Variants in EPHB1 observed in about 807,000 individuals in gnomAD.
EPHB1 encodes ephrin type-B receptor 1.
A neutral mutation model predicts 94.4 loss-of-function variants in EPHB1; 30 were observed. The observed-to-expected ratio is 0.32, with a 90% CI of 0.24 to 0.43. EPHB1 has a LOEUF of 0.43. EPHB1 is among the 20% of genes least tolerant of loss of function. EPHB1 has a pLI of 1.00. For synonymous variants in EPHB1, 522 were observed against 489.1 expected, an observed-to-expected ratio of 1.07 and a Z score of -0.89; for missense variants, 1,055 against 1,308.3, an observed-to-expected ratio of 0.81 and a Z score of 2.99.
At chr3:135,015,388 A>G (rs562544221) in intron 3 of EPHB1, among the ~76,000 whole-genome samples, 7 of 152,184 alleles carry the variant, frequency 4.6e-5, no homozygotes, top group Non-Finnish European at 8.8e-5. Flanking sequence ...TTACAGTCAC[A>G]TGCCACCACA....
At chr3:134,949,590 T>C (rs532092664) in intron 2 of EPHB1, among the ~76,000 whole-genome samples, 10 of 152,316 alleles carry the variant, frequency 6.6e-5, no homozygotes, top group African/African-American at 1.7e-4. Flanking sequence ...TTCTAGTCTA[T>C]ATATTTAAAG....
intron 1 of EPHB1, among the ~76,000 whole-genome samples, chr3:134,846,970 C>T (rs940631296): frequency 2.0e-5 from 3 of 152,064 alleles, no homozygotes; most frequent in Non-Finnish European, 2.9e-5. Flanking sequence ...CCTTCGGTGG[C>T]GGGAGATTAA....
At chr3:135,085,159 G>A (rs185769237) in intron 3 of EPHB1, among the ~76,000 whole-genome samples, 6 of 152,188 alleles carry the variant, frequency 3.9e-5, no homozygotes, top group East Asian at 1.9e-4. Context: ...GTGCAGCCAC[G>A]AGCAGACCTG....
Position 135,106,601 on chromosome 3 carries a change from C to A in EPHB1, c.959C>A (p.Thr320Asn), listed in dbSNP as rs1445739259. ...ADFDPPEVAC[T>N]SVPSGPRNVI... ...TTTGACCCTCCAGAAGTGGCATGCA[C>A]TAGTAAGTGTCTAGTAATGGCTCTG... Residue 320 changes from threonine to asparagine, a missense_variant and splice_region_variant, in exon 4 of 16, where the codon ACT becomes AAT. Transcript: ENST00000398015. The A allele has an allele frequency of 6.2e-7, 1 of 1,613,882 alleles. No individual in the cohort carries two copies.
intron 3 of EPHB1, among the ~76,000 whole-genome samples, chr3:135,054,648 G>A (rs918098315): frequency 6.6e-6 from 1 of 152,176 alleles, no homozygotes; most frequent in Non-Finnish European, 1.5e-5. Flanking sequence ...TAGCACGGAT[G>A]TTAGCTCATA....
intron 3 of EPHB1, among the ~76,000 whole-genome samples, chr3:135,052,907 A>ATG (rs1183892131): frequency 4.8e-4 from 47 of 98,354 alleles, no homozygotes; most frequent in African/African-American, 2.5e-3. Context: ...ATATATATAT[A>ATG]TATGTGTGTG....
chr3:134,865,645 C>T (rs2037358041), intron 1 of EPHB1, among the ~76,000 whole-genome samples: 1 of 148,000 alleles, frequency 6.8e-6, no homozygotes, highest in South Asian at 2.1e-4. Context: ...AATAAATCTG[C>T]AGCTGTTTTA....
intron 9 of EPHB1, among the ~76,000 whole-genome samples, chr3:135,178,226 G>T (rs533207175): frequency 6.7e-5 from 10 of 149,002 alleles, no homozygotes; most frequent in Non-Finnish European, 1.3e-4. Flanking sequence ...GGCCGGGGAG[G>T]GGGGGTGGAT....
chr3:135,248,604 T>G, intron 14 of EPHB1, 95 bp downstream of exon 14: 1 of 1,316,424 alleles, frequency 7.6e-7, no homozygotes, highest in East Asian at 2.6e-5. Flanking sequence ...TCGAATTTTT[T>G]AAAGAGTATC....
At chr3:135,089,059 A>C (rs1439707703) in intron 3 of EPHB1, among the ~76,000 whole-genome samples, 1 of 152,226 alleles carries the variant, frequency 6.6e-6, no homozygotes. Flanking sequence ...CCATGGCTCT[A>C]AGTAGTAGAG....
chr3:135,005,423 C>T (rs1229178410), intron 3 of EPHB1, among the ~76,000 whole-genome samples: 2 of 152,224 alleles, frequency 1.3e-5, no homozygotes, highest in East Asian at 3.9e-4. Context: ...TTGTCTGTGC[C>T]CTGCCCCCAG....
intron 12 of EPHB1, among the ~76,000 whole-genome samples, chr3:135,227,087 A>G (rs1264762319): frequency 2.0e-5 from 3 of 152,232 alleles, no homozygotes; most frequent in Admixed American, 1.3e-4. Flanking sequence ...ATTTGGGTCC[A>G]ATATACCCAT....
At chr3:135,088,387 C>T (rs1203106049) in intron 3 of EPHB1, among the ~76,000 whole-genome samples, 2 of 152,168 alleles carry the variant, frequency 1.3e-5, no homozygotes, top group African/African-American at 4.8e-5. Flanking sequence ...ACTATCTTCT[C>T]ATATAGTTTC....
At chr3:135,164,634 C>A (rs2107699184) in intron 7 of EPHB1, among the ~76,000 whole-genome samples, 1 of 151,962 alleles carries the variant, frequency 6.6e-6, no homozygotes, top group Admixed American at 6.6e-5. Flanking sequence ...CATGGTAAAA[C>A]CCCATCTCTA....
At chr3:134,886,687 G>A (rs958414561) in intron 1 of EPHB1, among the ~76,000 whole-genome samples, 1 of 152,144 alleles carries the variant, frequency 6.6e-6, no homozygotes, top group Non-Finnish European at 1.5e-5. Flanking sequence ...TACTCACTAT[G>A]TGCTGGGAAG....
chr3:134,964,153 A>G (rs1933635880), intron 3 of EPHB1, among the ~76,000 whole-genome samples: 1 of 152,232 alleles, frequency 6.6e-6, no homozygotes, highest in African/African-American at 2.4e-5. Context: ...CTGAGAAGGG[A>G]GAGTCTTTGC....
At chr3:134,840,059 C>T (rs953291750) in intron 1 of EPHB1, among the ~76,000 whole-genome samples, 2 of 152,142 alleles carry the variant, frequency 1.3e-5, no homozygotes, top group Non-Finnish European at 1.5e-5. Flanking sequence ...TTTCTACACT[C>T]CCCTCCACTT....
intron 3 of EPHB1, among the ~76,000 whole-genome samples, chr3:135,059,929 G>A (rs1937447489): frequency 6.6e-6 from 1 of 152,180 alleles, no homozygotes; most frequent in African/African-American, 2.4e-5. Flanking sequence ...GTGCCTGCAG[G>A]AGCCCAGCCA....
intron 1 of EPHB1, among the ~76,000 whole-genome samples, chr3:134,889,047 G>T (rs73217027): frequency 0.063 from 9,566 of 152,286 alleles, 336 homozygotes; most frequent in South Asian, 0.15. Context: ...TAGGTGCTGG[G>T]AAGAAATTTA....
Sources: gnomAD v4.1 joint callset for allele counts (sites outside exome capture counted in the v4.1 genomes callset) on GRCh38, gnomAD v4.1.1 for gene constraint, MANE v1.5 for transcripts, NCBI Gene and HGNC (gene_info 2026-07-23, HGNC 2026-07-21) for gene names.